WNK1: variants seen among roughly 807,000 people sequenced by gnomAD.
WNK1 encodes serine/threonine-protein kinase WNK1.
In WNK1, 38 loss-of-function variants were observed where a neutral mutation model predicts 222.8. The observed-to-expected ratio is 0.17, with a 90% confidence interval of 0.13 to 0.22. The LOEUF is 0.22. Among genes scored for constraint, WNK1 ranks in the 10% least tolerant of loss-of-function variants. The pLI is 1.00. For synonymous variants in WNK1, 1,090 were observed against 1,092.9 expected (o/e 1.00, Z 0.05); for missense variants, 2,348 against 2,918.4 (o/e 0.80, Z 4.50).
chr12:797,762 A>G (rs986727379), intron 1 of WNK1, among the ~76,000 whole-genome samples: 3 of 151,934 alleles, frequency 2.0e-5, no homozygotes, highest in African/African-American at 7.3e-5. Context: ...CCTGGCCAAC[A>G]CCGTGAAACC....
chr12:826,995 A>C (rs748929792), intron 2 of WNK1, 47 bp from the exon 3 acceptor site: 1 of 1,505,388 alleles, frequency 6.6e-7, no homozygotes, highest in South Asian at 1.1e-5. Context: ...TCAAAGCAAC[A>C]AACTCCTATC....
chr12:882,640 T>A (rs1953275167), intron 14 of WNK1, among the ~76,000 whole-genome samples: 1 of 152,238 alleles, frequency 6.6e-6, no homozygotes, highest in African/African-American at 2.4e-5. Flanking sequence ...GATGAATTGA[T>A]GAATGTATAG....
chr12:767,234 G>GTTTTTTTTTTTTT (rs71051382), intron 1 of WNK1, among the ~76,000 whole-genome samples: 7 of 70,888 alleles, frequency 9.9e-5, no homozygotes, highest in African/African-American at 4.4e-4. Flanking sequence ...GGGTTGATAG[G>GTTTTTTTTTTTTT]TTTTTTTTTT....
At chr12:900,740 G>A (rs138947486) in intron 26 of WNK1, 70 bp downstream of exon 26, 1 of 1,588,662 alleles carries the variant, frequency 6.3e-7, no homozygotes, top group African/African-American at 1.3e-5. Flanking sequence ...ACAAAAGCCT[G>A]TTAAGGCGGG....
Position 884,036 on chromosome 12 carries a change from C to T in WNK1, c.3722-85C>T. ...GAATGAGACCGTGCCTCAAAAAAAG[C>T]AGTTGTATGTGCCAATAATGAAGTC... On this transcript the variant is annotated intron_variant, in intron 17 of 27. Transcript: ENST00000315939. The surrounding 1 kb of genome is among the most constrained non-coding windows in gnomAD (Gnocchi z 5.6). The T allele has an allele frequency of 6.3e-7, 1 of 1,589,690 alleles. No individual in the cohort carries two copies. The highest frequency in any genetic ancestry group is 8.6e-7 in the Non-Finnish European group (1 of 1,161,736).
At chr12:847,420 A>G (rs1304242390) in intron 4 of WNK1, among the ~76,000 whole-genome samples, 1 of 152,212 alleles carries the variant, frequency 6.6e-6, no homozygotes, top group Non-Finnish European at 1.5e-5. Context: ...GACTCAGTTG[A>G]CTGAAAAAAG....
At chr12:840,989 G>A (rs1236010872) in intron 4 of WNK1, among the ~76,000 whole-genome samples, 1 of 152,190 alleles carries the variant, frequency 6.6e-6, no homozygotes, top group Non-Finnish European at 1.5e-5. Context: ...GTCTTTGATA[G>A]TAAGTTTAAC....
chr12:799,297 A>AT (rs202143100), intron 1 of WNK1, among the ~76,000 whole-genome samples: 4,157 of 138,996 alleles, frequency 0.03, 159 homozygotes, highest in African/African-American at 0.091. Flanking sequence ...TAATTTTTGT[A>AT]TTTTTTTTTT....
intron 22 of WNK1, among the ~76,000 whole-genome samples, chr12:894,348 G>A (rs1338218837): frequency 6.6e-6 from 1 of 152,144 alleles, no homozygotes; most frequent in East Asian, 1.9e-4. Context: ...TATAGTATAT[G>A]TTAATGTTGT....
At chr12:890,150 G>A (rs1049034828) in intron 21 of WNK1, among the ~76,000 whole-genome samples, 25 of 151,440 alleles carry the variant, frequency 1.7e-4, no homozygotes, top group Admixed American at 8.5e-4. Flanking sequence ...GCGGGGTTTC[G>A]CCATGTTGGC....
At position 907,919 on chromosome 12, in the gene WNK1, C is replaced by T. The variant is rs753567713; in HGVS notation, c.6716C>T (p.Thr2239Met). Residue 2239 changes from threonine to methionine, a missense_variant, in exon 27 of 28, where the codon ACG (threonine) becomes ATG (methionine). Transcript: ENST00000315939. ...QAAQAQPPAM[T>M]SSRKGTFTDD... ...GCCCAAGCTCAGCCTCCTGCCATGA[C>T]GTCCAGCAGGAAGGGCACATTCACA... is the stretch of plus-strand genomic sequence containing the variant. 1.1e-5 allele frequency: 17 copies of T among 1,614,028 alleles called. No individual in the cohort carries two copies. In the African/African-American group the frequency reaches 1.1e-4, roughly 10 times the overall value.
Position 868,054 on chromosome 12 carries a change from G to T in WNK1, c.2140-3211G>T, listed in dbSNP as rs1436681206. On this transcript the variant is annotated intron_variant, in intron 8 of 27. Coordinates refer to ENST00000315939, the MANE Select transcript of WNK1 (RefSeq NM_018979.4). ...CCCAAACTCACCACTTCCAACCCCT[G>T]CTGAGGACTGTTGGCCAAAGTCTTC... 6.2e-7 allele frequency: 1 copy of T among 1,613,978 alleles called. No homozygotes were observed. Among genetic ancestry groups the T allele is most frequent in the African/African-American group, 1.3e-5 (1 of 75,028 alleles).
chr12:879,754 C>T lies in WNK1; in HGVS notation c.2555C>T (p.Ser852Phe), dbSNP rs1952979872. 1 of 1,613,932 alleles carries T rather than the reference C, an allele frequency of 6.2e-7. No homozygotes were observed. The highest frequency in any genetic ancestry group is 1.7e-5 in the Admixed American group (1 of 59,978). Residue 852 changes from serine to phenylalanine, a missense_variant, in exon 11 of 28, where the codon TCT becomes TTT. Physicochemically the swap from Ser to Phe is radical, Grantham distance 155. Coordinates refer to ENST00000315939, the MANE Select transcript of WNK1 (RefSeq NM_018979.4). The part of the protein sequence containing the change: ...SQIPISTPHV[S>F]TAQTGFSSLP... Reference sequence around the variant, plus strand: ...ATTCCCATATCAACTCCTCATGTGTCTACGGCTCAGACAGGTTTCTCATCC... The same window carrying T: ...ATTCCCATATCAACTCCTCATGTGTTTACGGCTCAGACAGGTTTCTCATCC...
chr12:889,774 GCA>G (rs1954034335), intron 21 of WNK1, among the ~76,000 whole-genome samples: 1 of 152,098 alleles, frequency 6.6e-6, no homozygotes, highest in Non-Finnish European at 1.5e-5. Flanking sequence ...AGCCGAGATT[GCA>G]CCACTGCAGT....
chr12:814,762 T>G (rs1947206100), intron 2 of WNK1, among the ~76,000 whole-genome samples: 1 of 152,074 alleles, frequency 6.6e-6, no homozygotes, highest in African/African-American at 2.4e-5. Flanking sequence ...CTGGGGAAGT[T>G]TGGAATGATT....
chr12:767,081 A>T (rs968161028), intron 1 of WNK1, among the ~76,000 whole-genome samples: 1 of 151,142 alleles, frequency 6.6e-6, no homozygotes, highest in Non-Finnish European at 1.5e-5. Context: ...CCGGCCCTAG[A>T]TGTTCTTTAG....
At chr12:824,732 G>A (rs939426772) in intron 2 of WNK1, among the ~76,000 whole-genome samples, 6 of 151,918 alleles carry the variant, frequency 3.9e-5, no homozygotes, top group Non-Finnish European at 2.9e-5. Flanking sequence ...TTTAAAAATA[G>A]GATGTTTATA....
chr12:881,601 G>A lies in WNK1; in HGVS notation c.3112-91G>A, dbSNP rs368838651. Reference sequence around the variant, plus strand: ...TTTAGTGCTTCTAGGACGTAGTGGGGAGGGATAAGGAAAAAAATAAGTAGA... The same window carrying A: ...TTTAGTGCTTCTAGGACGTAGTGGGAAGGGATAAGGAAAAAAATAAGTAGA... On this transcript the variant is annotated intron_variant, in intron 12 of 27. Transcript: ENST00000315939. The A allele has an allele frequency of 5.0e-6, 5 of 999,384 alleles. No individual in the cohort carries two copies. In the East Asian group the frequency reaches 9.5e-5, roughly 19 times the overall value. The allele number at this position is 999,384 out of a possible 1,614,324, so 61.9% of individuals were successfully genotyped here. A position where few individuals can be genotyped will look rare whatever the true frequency, so the allele number is the denominator to read the frequency against.
intron 2 of WNK1, among the ~76,000 whole-genome samples, chr12:815,573 G>C (rs1361933692): frequency 6.6e-6 from 1 of 152,156 alleles, no homozygotes. Context: ...GTGCTAACTA[G>C]CACTATATAC....
Sources: allele counts gnomAD v4.1 joint callset (sites outside exome capture counted in the v4.1 genomes callset), GRCh38; gene constraint gnomAD v4.1.1; non-coding constraint Gnocchi (gnomAD v3.1); transcripts MANE v1.5; gene names NCBI Gene and HGNC (gene_info 2026-07-23, HGNC 2026-07-21).